EXT1: variants seen among roughly 807,000 people sequenced by gnomAD.
The protein encoded by EXT1 is exostosin-1.
A neutral mutation model predicts 82.5 loss-of-function variants in EXT1; 20 were observed. That is an observed-to-expected ratio of 0.24 (90% CI 0.17 to 0.35). EXT1 has a LOEUF of 0.35. Among genes scored for constraint, EXT1 ranks in the 10% least tolerant of loss-of-function variants. The probability of loss-of-function intolerance (pLI) is 1.00; values close to 1 mark genes in which losing one functional copy is unlikely to be tolerated. For missense variants in EXT1, 757 were observed against 936.5 expected, an observed-to-expected ratio of 0.81 and a Z score of 2.50; for synonymous variants, 348 against 350.8, an observed-to-expected ratio of 0.99 and a Z score of 0.09.
chr8:118,065,274 C>T (rs947236080), intron 1 of EXT1, among the ~76,000 whole-genome samples: 8 of 152,092 alleles, frequency 5.3e-5, no homozygotes, highest in African/African-American at 1.7e-4. Flanking sequence ...TTGTTGGTCG[C>T]ATAAATGTCT....
At chr8:117,960,940 C>G (rs1008678491) in intron 1 of EXT1, among the ~76,000 whole-genome samples, 14 of 152,162 alleles carry the variant, frequency 9.2e-5, no homozygotes, top group African/African-American at 3.1e-4. Context: ...ACACTACACA[C>G]TTATCCTGGT....
chr8:117,880,748 G>A (rs975382771), intron 1 of EXT1, among the ~76,000 whole-genome samples: 10 of 151,786 alleles, frequency 6.6e-5, no homozygotes, highest in South Asian at 6.2e-4. Context: ...CCGCCACCAC[G>A]CCTGGCTAAT....
chr8:118,077,353 G>T (rs1817230721), intron 1 of EXT1, among the ~76,000 whole-genome samples: 1 of 152,148 alleles, frequency 6.6e-6, no homozygotes, highest in Non-Finnish European at 1.5e-5. Flanking sequence ...CACCAAAGGA[G>T]GACTCAATGT....
chr8:118,092,544 C>T (rs1449754160), intron 1 of EXT1, among the ~76,000 whole-genome samples: 1 of 152,126 alleles, frequency 6.6e-6, no homozygotes, highest in Non-Finnish European at 1.5e-5. Context: ...ACTTACTGCC[C>T]CTGTCTAAAT....
At chr8:117,828,547 G>A (rs192482466) in intron 4 of EXT1, among the ~76,000 whole-genome samples, 1 of 152,034 alleles carries the variant, frequency 6.6e-6, no homozygotes, top group African/African-American at 2.4e-5. Flanking sequence ...CAAAAAGGGA[G>A]AAACAATAAC....
chr8:117,833,460 C>T (rs975350622), intron 3 of EXT1, among the ~76,000 whole-genome samples: 1 of 152,012 alleles, frequency 6.6e-6, no homozygotes, highest in Non-Finnish European at 1.5e-5. Context: ...ACTAAAAATA[C>T]AAAAATTAGC....
At chr8:117,858,347 C>T (rs1029408540) in intron 1 of EXT1, among the ~76,000 whole-genome samples, 17 of 152,082 alleles carry the variant, frequency 1.1e-4, no homozygotes, top group African/African-American at 1.2e-4. Flanking sequence ...AAGAGTCAAT[C>T]GTTGCGGCAA....
At chr8:118,003,140 G>A (rs1815706708) in intron 1 of EXT1, among the ~76,000 whole-genome samples, 1 of 152,076 alleles carries the variant, frequency 6.6e-6, no homozygotes. Flanking sequence ...TCTAAGTGAA[G>A]AAACTCAGGA....
chr8:118,020,165 G>A (rs1816075923), intron 1 of EXT1, among the ~76,000 whole-genome samples: 1 of 152,162 alleles, frequency 6.6e-6, no homozygotes, highest in Non-Finnish European at 1.5e-5. Flanking sequence ...TGCTTGTCTG[G>A]AAAGGATTTT....
chr8:117,832,913 A>G (rs1812125365), intron 3 of EXT1, among the ~76,000 whole-genome samples: 1 of 152,228 alleles, frequency 6.6e-6, no homozygotes, highest in Admixed American at 6.5e-5. Context: ...TGCCGAGCTC[A>G]ATGAAGTCTT....
At chr8:118,090,679 T>C (rs555458682) in intron 1 of EXT1, among the ~76,000 whole-genome samples, 2 of 144,794 alleles carry the variant, frequency 1.4e-5, no homozygotes, top group Non-Finnish European at 3.0e-5. Flanking sequence ...CTCGGGAAGC[T>C]GATGCAGGAG....
At chr8:118,101,007 G>A (rs2130022019) in intron 1 of EXT1, among the ~76,000 whole-genome samples, 1 of 152,272 alleles carries the variant, frequency 6.6e-6, no homozygotes, top group Admixed American at 6.5e-5. Flanking sequence ...ATAAGTTATT[G>A]CTGTGGCTTA....
At chr8:118,065,311 A>C (rs1054429611) in intron 1 of EXT1, among the ~76,000 whole-genome samples, 1 of 152,132 alleles carries the variant, frequency 6.6e-6, no homozygotes, top group Non-Finnish European at 1.5e-5. Context: ...ATATGCTTCT[A>C]GATGGAGTCT....
intron 1 of EXT1, among the ~76,000 whole-genome samples, chr8:117,878,717 C>CT (rs1813010895): frequency 6.6e-6 from 1 of 152,206 alleles, no homozygotes; most frequent in South Asian, 2.1e-4. Context: ...AATGCCCTTT[C>CT]TTATTCTCAT....
intron 1 of EXT1, among the ~76,000 whole-genome samples, chr8:118,002,439 C>T (rs1815686373): frequency 7.1e-6 from 1 of 141,508 alleles, no homozygotes; most frequent in Non-Finnish European, 1.5e-5. Flanking sequence ...TAATTTCCAA[C>T]AAGCCCAAGC....
chr8:118,044,160 T>A (rs1816581956), intron 1 of EXT1, among the ~76,000 whole-genome samples: 1 of 152,226 alleles, frequency 6.6e-6, no homozygotes, highest in South Asian at 2.1e-4. Context: ...TTTCTGTACC[T>A]TACTATGTTA....
intron 1 of EXT1, among the ~76,000 whole-genome samples, chr8:118,043,680 A>G (rs1816573980): frequency 6.6e-6 from 1 of 152,238 alleles, no homozygotes; most frequent in African/African-American, 2.4e-5. Context: ...ATGCAGACAC[A>G]GTGATTATGG....
intron 1 of EXT1, among the ~76,000 whole-genome samples, chr8:117,896,129 G>C (rs1813331475): frequency 1.3e-5 from 2 of 152,062 alleles, no homozygotes; most frequent in South Asian, 4.2e-4. Flanking sequence ...ATATTCTAAG[G>C]GTTTAAACTT....
chr8:118,098,979 T>G (rs1817669364), intron 1 of EXT1, among the ~76,000 whole-genome samples: 1 of 136,984 alleles, frequency 7.3e-6, no homozygotes, highest in Non-Finnish European at 1.5e-5. Context: ...CAAATGGAGA[T>G]CTTACTCTTA....
Sources: gnomAD v4.1 joint callset for allele counts (sites outside exome capture counted in the v4.1 genomes callset) on GRCh38, gnomAD v4.1.1 for gene constraint, MANE v1.5 for transcripts, NCBI Gene and HGNC (gene_info 2026-07-23, HGNC 2026-07-21) for gene names.